The following C10orf105 variants were observed in gnomAD, a reference collection of about 807,000 sequenced individuals.
C10orf105 encodes the protein uncharacterized protein C10orf105.
Under a neutral mutation model 0.6 loss-of-function variants are expected in C10orf105, and 2 were observed. The ratio of observed to expected loss-of-function variants is 3.18; its 90% CI spans 1.30 to 10.01. The LOEUF (loss-of-function observed/expected upper bound fraction) is 10.01, where lower values mean the gene tolerates loss of function less well. Ranked by LOEUF, C10orf105 falls within the 30% of genes most tolerant of loss-of-function variation. The pLI, the probability that C10orf105 is intolerant of heterozygous loss-of-function variation, is 0.04. For synonymous variants in C10orf105, 95 were observed against 82.4 expected, an observed-to-expected ratio of 1.15 and a Z score of -0.83; for missense variants, 209 against 191.4, an observed-to-expected ratio of 1.09 and a Z score of -0.54.
chr10:71,724,871 G>A (rs933236724), intron 1 of C10orf105, among the ~76,000 whole-genome samples: 1 of 152,224 alleles, frequency 6.6e-6, no homozygotes, highest in African/African-American at 2.4e-5. Flanking sequence ...GAGGAGAGTA[G>A]ATCCCCAAAG....
intron 1 of C10orf105, chr10:71,732,176 C>G (rs771886033): frequency 1.2e-6 from 2 of 1,613,874 alleles, no homozygotes; most frequent in African/African-American, 2.7e-5. Flanking sequence ...GTCTACATCA[C>G]TCTGCTCAAC....
chr10:71,726,419 G>A (rs1011120707), intron 1 of C10orf105, among the ~76,000 whole-genome samples: 9 of 152,194 alleles, frequency 5.9e-5, no homozygotes, highest in African/African-American at 1.4e-4. Context: ...TCACAAACAC[G>A]ATGGGTCTGA....
At chr10:71,718,284 C>T (rs1423637754) in intron 1 of C10orf105, among the ~76,000 whole-genome samples, 1 of 152,208 alleles carries the variant, frequency 6.6e-6, no homozygotes, top group Non-Finnish European at 1.5e-5. Context: ...CAGGCACTCA[C>T]CAGCAGCCGC....
intron 1 of C10orf105, among the ~76,000 whole-genome samples, chr10:71,727,485 A>G (rs1408520393): frequency 6.6e-6 from 1 of 151,990 alleles, no homozygotes; most frequent in African/African-American, 2.4e-5. Context: ...CAATGTGGGG[A>G]CTCTGGCTTT....
In C10orf105 at chr10:71,712,208, T is replaced by A. The variant is rs1865998893; in HGVS notation, c.*3728A>T. Reference sequence around the variant, plus strand: ...CTTTCTCTTGTAAGGACACTTGCCATTGGGTTTATGGGCCACCCAGCTCAC... The same window carrying A: ...CTTTCTCTTGTAAGGACACTTGCCAATGGGTTTATGGGCCACCCAGCTCAC... On this transcript the variant is annotated 3_prime_UTR_variant, in exon 2 of 2. Coordinates refer to ENST00000441508, the MANE Select transcript of C10orf105 (RefSeq NM_001164375.3). 1 of 158,110 alleles carries A rather than the reference T, an allele frequency of 6.3e-6. No homozygotes were observed. The highest frequency in any genetic ancestry group is 1.8e-4 in the South Asian group (1 of 5,412). 9.8% of individuals were successfully genotyped at this position (158,110 alleles called of 1,614,324 possible).
chr10:71,713,240 A>G lies in C10orf105; in HGVS notation c.*2696T>C, dbSNP rs750143421. 5 of 779,262 alleles carry G rather than the reference A, an allele frequency of 6.4e-6. No homozygotes were observed. The highest frequency in any genetic ancestry group is 1.2e-5 in the Non-Finnish European group (5 of 417,826). 48.3% of individuals were successfully genotyped at this position (779,262 alleles called of 1,614,324 possible). ...CTCCCCTCTTGGGAAGTAAACAGGC[A>G]CAAGAAGAAAGGGCTCCTTTGCCCA... is the stretch of plus-strand genomic sequence containing the variant. On this transcript the variant is annotated 3_prime_UTR_variant, in exon 2 of 2. Transcript: ENST00000441508.
At chr10:71,720,391 G>A (rs528689556), upstream of C10orf105, among the ~76,000 whole-genome samples, 6 of 151,154 alleles carry the variant, frequency 4.0e-5, no homozygotes, top group East Asian at 1.9e-4. Context: ...GGTGGGCCAC[G>A]GGAGACCTCC....
chr10:71,724,135 G>T (rs190677756), upstream of C10orf105: 26 of 1,550,722 alleles, frequency 1.7e-5, no homozygotes, highest in Non-Finnish European at 2.2e-5. Context: ...GATGGGGGGC[G>T]GTCCTCCTGC....
upstream of C10orf105, chr10:71,724,042 C>T (rs1277599655): frequency 7.7e-6 from 12 of 1,557,466 alleles, no homozygotes; most frequent in Non-Finnish European, 1.0e-5. Context: ...CATTCTTCCT[C>T]AGCTGAAAGC....
intron 1 of C10orf105, among the ~76,000 whole-genome samples, chr10:71,726,494 C>T (rs1020763224): frequency 6.6e-5 from 10 of 152,218 alleles, no homozygotes; most frequent in Admixed American, 2.6e-4. Context: ...ACACCTCCAA[C>T]GCTTTGCCCC....
chr10:71,722,975 C>T (rs924409165), upstream of C10orf105, among the ~76,000 whole-genome samples: 2 of 152,192 alleles, frequency 1.3e-5, no homozygotes, highest in Non-Finnish European at 2.9e-5. Context: ...CCAAGGTCAA[C>T]AATCCCAGAG....
intron 1 of C10orf105, among the ~76,000 whole-genome samples, chr10:71,728,379 G>A (rs1394681671): frequency 6.6e-6 from 1 of 152,104 alleles, no homozygotes; most frequent in Non-Finnish European, 1.5e-5. Flanking sequence ...CAGCGATGCA[G>A]AGAAACTTTT....
chr10:71,732,082 C>T, intron 1 of C10orf105: 1 of 1,614,036 alleles, frequency 6.2e-7, no homozygotes, highest in African/African-American at 1.3e-5. Context: ...CGTGAATTAC[C>T]TGGACTACGA....
At chr10:71,735,093 A>C (rs991706366) in intron 1 of C10orf105, among the ~76,000 whole-genome samples, 8 of 152,232 alleles carry the variant, frequency 5.3e-5, no homozygotes. Flanking sequence ...GCAGGCAGAA[A>C]GCCCTTTGTA....
At chr10:71,736,037 G>C (rs1839555547) in intron 1 of C10orf105, among the ~76,000 whole-genome samples, 1 of 152,246 alleles carries the variant, frequency 6.6e-6, no homozygotes, top group Non-Finnish European at 1.5e-5. Context: ...TTGCGAGAAG[G>C]CTGGGAGGAG....
rs200650849 is a variant in C10orf105, at chr10:71,716,003, C to G, written c.335G>C (p.Arg112Pro). ...GTCCTCGGGGCCCGGCAGGGGCTGT[C>G]GAGGGACGGTGGGCCGGCCATGGCG... is the stretch of plus-strand genomic sequence containing the variant. Reference protein sequence around the residue: ...SFRHGRPTVPRQPLPGPEDNR... With the variant: ...SFRHGRPTVPPQPLPGPEDNR... Residue 112 changes from arginine to proline, a missense_variant, in exon 2 of 2, where the codon CGA becomes CCA. Coordinates refer to ENST00000441508, the MANE Select transcript of C10orf105 (RefSeq NM_001164375.3). 27 of 1,500,094 alleles carry G rather than the reference C, an allele frequency of 1.8e-5. No individual in the cohort carries two copies. The highest frequency in any genetic ancestry group is 1.6e-4 in the South Asian group (12 of 75,634). 92.9% of individuals were successfully genotyped at this position (1,500,094 alleles called of 1,614,324 possible).
At chr10:71,727,083 G>A (rs1377400133) in intron 1 of C10orf105, among the ~76,000 whole-genome samples, 3 of 152,168 alleles carry the variant, frequency 2.0e-5, no homozygotes, top group Admixed American at 2.0e-4. Context: ...ACCCTCACAC[G>A]TGCCCGATAT....
At position 71,716,188 on chromosome 10, in the gene C10orf105, G is replaced by A. The variant is rs1014006280; in HGVS notation, c.150C>T (p.Ala50=). 9 of 1,551,154 alleles carry A rather than the reference G, an allele frequency of 5.8e-6. No individual in the cohort carries two copies. The African/African-American group carries it at 6.8e-5, about 12-fold the overall frequency. The change falls in exon 2 of 2, where the codon GCC becomes GCT. Residue 50 remains alanine, a synonymous_variant. Transcript: ENST00000441508. ...AGAGCGTCATGAACAGCAGACAGGT[G>A]GCCAGCAGGAGGAAGATGCAGGCCA... The part of the protein sequence containing the change: ...IALACIFLLL[A]TCLLFMTLCK...
intron 1 of C10orf105, among the ~76,000 whole-genome samples, chr10:71,718,173 G>C (rs1251112004): frequency 6.6e-6 from 1 of 152,222 alleles, no homozygotes; most frequent in Non-Finnish European, 1.5e-5. Context: ...AGCTCAGGAG[G>C]AGGAAAGATG....
Sources: allele counts gnomAD v4.1 joint callset (sites outside exome capture counted in the v4.1 genomes callset), GRCh38; gene constraint gnomAD v4.1.1; transcripts MANE v1.5; gene names NCBI Gene and HGNC (gene_info 2026-07-23, HGNC 2026-07-21).